The following NRP1 variants were observed in gnomAD, a reference collection of about 807,000 sequenced individuals.
NRP1 encodes neuropilin-1.
In NRP1, 35 loss-of-function variants were observed where a neutral mutation model predicts 106.7. The observed-to-expected ratio is 0.33, with a 90% confidence interval of 0.25 to 0.43. NRP1 has a LOEUF of 0.43. Among genes scored for constraint, NRP1 ranks in the 20% least tolerant of loss-of-function variants. The pLI, the probability that NRP1 is intolerant of heterozygous loss-of-function variation, is 1.00. For missense variants in NRP1, 1,024 were observed against 1,170.4 expected (o/e 0.87, Z 1.83); for synonymous variants, 437 against 417.9 (o/e 1.05, Z -0.56).
At chr10:33,246,396 T>C (rs1841427257) in intron 6 of NRP1, among the ~76,000 whole-genome samples, 2 of 152,218 alleles carry the variant, frequency 1.3e-5, no homozygotes, top group Admixed American at 1.3e-4. Flanking sequence ...AACTCAGTCA[T>C]AGGTAACAGA....
intron 8 of NRP1, among the ~76,000 whole-genome samples, chr10:33,218,055 G>T (rs1043689914): frequency 6.6e-6 from 1 of 152,160 alleles, no homozygotes; most frequent in Non-Finnish European, 1.5e-5. Flanking sequence ...GATCATCACT[G>T]TGAATTCTGA....
chr10:33,302,723 C>A (rs1036534616), intron 2 of NRP1, among the ~76,000 whole-genome samples: 3 of 152,004 alleles, frequency 2.0e-5, no homozygotes, highest in African/African-American at 4.8e-5. Flanking sequence ...GGAGGGTGAG[C>A]GAAGCAAACA....
rs118110713 is a variant in NRP1, at chr10:33,316,939, A to G, written c.248+13769T>C. Among the ~76,000 whole-genome samples the G allele has an allele frequency of 4.3e-3, 658 of 152,340 alleles. 3 individuals are homozygous for G. Among genetic ancestry groups the G allele is most frequent in the Non-Finnish European group, 7.1e-3 (486 of 68,034 alleles). ...TTCTGAACTGCAGTCACCACTTTCA[A>G]TACCTTGACAGTAATAAGAAAGAGA... On this transcript the variant is annotated intron_variant, in intron 2 of 16. Coordinates refer to ENST00000374867, the MANE Select transcript of NRP1 (RefSeq NM_003873.7).
intron 9 of NRP1, chr10:33,212,188 T>G (rs1838358661): frequency 1.3e-5 from 2 of 152,236 alleles, no homozygotes; most frequent in African/African-American, 4.8e-5. Flanking sequence ...CACTGGATTA[T>G]CAAGAGCCTA....
intron 2 of NRP1, among the ~76,000 whole-genome samples, chr10:33,289,382 T>C (rs979182756): frequency 6.6e-6 from 1 of 152,198 alleles, no homozygotes; most frequent in African/African-American, 2.4e-5. Flanking sequence ...ATAATAGGTA[T>C]TACGTCTATA....
chr10:33,276,812 T>C (rs1843730938), intron 2 of NRP1, among the ~76,000 whole-genome samples: 1 of 152,196 alleles, frequency 6.6e-6, no homozygotes, highest in Non-Finnish European at 1.5e-5. Flanking sequence ...AGCATCTTGG[T>C]GTGGACAAAG....
rs1008445619 is a variant in NRP1 at position 33,241,554 on chromosome 10, G to A, written c.981+12474C>T. Among the ~76,000 whole-genome samples the A allele has an allele frequency of 3.9e-5, 6 of 152,154 alleles. No individual in the cohort carries two copies. In the South Asian group the frequency reaches 1.0e-3, roughly 26 times the overall value. ...TTCACTGGAACCGTTCTTAAAACACGGTTGGATACCTCTATTTCAACCACA... is the reference window on the plus strand; with the variant it reads ...TTCACTGGAACCGTTCTTAAAACACAGTTGGATACCTCTATTTCAACCACA... On this transcript the variant is annotated intron_variant, in intron 6 of 16. Coordinates refer to ENST00000374867, the MANE Select transcript of NRP1 (RefSeq NM_003873.7).
chr10:33,194,654 T>G (rs999834560), intron 12 of NRP1: 1 of 477,672 alleles, frequency 2.1e-6, no homozygotes, highest in African/African-American at 2.0e-5. Context: ...TACTGCTCTT[T>G]TATCTTCTTG....
At chr10:33,228,831 T>C (rs1839885770) in intron 6 of NRP1, among the ~76,000 whole-genome samples, 1 of 152,234 alleles carries the variant, frequency 6.6e-6, no homozygotes, top group Non-Finnish European at 1.5e-5. Context: ...AAGAATTTAA[T>C]AGAATTTAAT....
chr10:33,207,710 C>T lies in NRP1; in HGVS notation c.1621G>A (p.Glu541Lys), dbSNP rs1282161805. The change falls in exon 10 of 17, where the codon GAG becomes AAG. Residue 541 changes from glutamate (E) to lysine (K), a missense_variant. Physicochemically the swap from Glu to Lys is moderately conservative, Grantham distance 56 (BLOSUM62 1). Transcript: ENST00000374867. Reference sequence around the variant, plus strand: ...GGTGTATCATAGTTGTTGTTGCCCTCAAAAGACTGTGAAGCATGGAAAACA... The same window carrying T: ...GGTGTATCATAGTTGTTGTTGCCCTTAAAAGACTGTGAAGCATGGAAAACA... ...DDSKRKAKSF[E>K]GNNNYDTPEL... 2 of 1,611,440 alleles carry T rather than the reference C, an allele frequency of 1.2e-6. No individual in the cohort carries two copies. The highest frequency in any genetic ancestry group is 1.7e-6 in the Non-Finnish European group (2 of 1,179,078).
chr10:33,224,376 T>A (rs1588768408), intron 7 of NRP1, among the ~76,000 whole-genome samples: 1 of 152,196 alleles, frequency 6.6e-6, no homozygotes, highest in East Asian at 1.9e-4. Context: ...GAAGAAAACA[T>A]GTTGGTGAAA....
At chr10:33,320,182 G>A (rs962289366) in intron 2 of NRP1, among the ~76,000 whole-genome samples, 1 of 152,024 alleles carries the variant, frequency 6.6e-6, no homozygotes, top group East Asian at 2.0e-4. Flanking sequence ...GCGTGGTGGC[G>A]TGTGCCTGTA....
At chr10:33,196,723 T>C (rs1008337570) in intron 12 of NRP1, among the ~76,000 whole-genome samples, 2 of 152,158 alleles carry the variant, frequency 1.3e-5, no homozygotes, top group African/African-American at 2.4e-5. Flanking sequence ...AGGTCAACAG[T>C]GACAGCGTCC....
intron 6 of NRP1, among the ~76,000 whole-genome samples, chr10:33,231,832 A>C (rs1840160849): frequency 6.6e-6 from 1 of 152,196 alleles, no homozygotes; most frequent in Non-Finnish European, 1.5e-5. Flanking sequence ...TTGTGAGTGG[A>C]CACAAAGGAA....
chr10:33,287,652 C>T (rs1037359894), intron 2 of NRP1, among the ~76,000 whole-genome samples: 4 of 152,140 alleles, frequency 2.6e-5, no homozygotes, highest in African/African-American at 7.2e-5. Context: ...CCATGGGTTT[C>T]ACAGGCAATT....
chr10:33,280,658 T>C (rs1170734196), intron 2 of NRP1, among the ~76,000 whole-genome samples: 1 of 152,194 alleles, frequency 6.6e-6, no homozygotes, highest in Admixed American at 6.5e-5. Context: ...TAAGTCCTTA[T>C]ATCCTTACTT....
At chr10:33,319,743 T>C (rs1847338849) in intron 2 of NRP1, among the ~76,000 whole-genome samples, 1 of 151,546 alleles carries the variant, frequency 6.6e-6, no homozygotes, top group Non-Finnish European at 1.5e-5. Flanking sequence ...CCAGCCACCA[T>C]GCCTGGCTAA....
intron 15 of NRP1, 138 bp downstream of exon 15, chr10:33,185,490 G>C: frequency 1.6e-6 from 1 of 635,786 alleles, no homozygotes; most frequent in Non-Finnish European, 2.8e-6. Context: ...TGTTGCACCA[G>C]AATACGCATT....
chr10:33,224,829 C>T (rs898215409), intron 7 of NRP1, among the ~76,000 whole-genome samples: 4 of 152,136 alleles, frequency 2.6e-5, no homozygotes, highest in African/African-American at 9.7e-5. Context: ...GTTTGGTTTT[C>T]TCCTCCTGAA....
Sources: gnomAD v4.1 joint callset for allele counts (sites outside exome capture counted in the v4.1 genomes callset) on GRCh38, gnomAD v4.1.1 for gene constraint, MANE v1.5 for transcripts, NCBI Gene and HGNC (gene_info 2026-07-23, HGNC 2026-07-21) for gene names.